DDX3Y: variants seen among roughly 807,000 people sequenced by gnomAD.
The protein encoded by DDX3Y is ATP-dependent RNA helicase DDX3Y.
A neutral mutation model predicts 15.1 loss-of-function variants in DDX3Y; 2 were observed. The ratio of observed to expected loss-of-function variants is 0.13; its 90% CI spans 0.05 to 0.42. The LOEUF (loss-of-function observed/expected upper bound fraction) is 0.42. DDX3Y is among the 10% of genes least tolerant of loss of function. DDX3Y has a pLI of 0.99. For missense variants in DDX3Y, 81 were observed against 149.9 expected (o/e 0.54, Z 2.40); for synonymous variants, 47 against 45.0 (o/e 1.04, Z -0.18).
At chrY:12,905,702 G>A in intron 1 of DDX3Y, 3 of 303,232 alleles carry the variant, frequency 9.9e-6, no homozygotes, top group Non-Finnish European at 1.3e-5. Context: ...GTTTTGTGAC[G>A]CAGAAGGACC....
chrY:12,912,960 C>T lies in DDX3Y; in HGVS notation c.438-3C>T. Reference sequence around the variant, plus strand: ...CATGTATGTAATAATTGTTTGATTTCAGAGAACTGTTTTCTGGAGGAAACA... The same window carrying T: ...CATGTATGTAATAATTGTTTGATTTTAGAGAACTGTTTTCTGGAGGAAACA... On this transcript the variant is annotated splice_region_variant and splice_polypyrimidine_tract_variant and intron_variant, in intron 5 of 16. Coordinates refer to ENST00000336079, the MANE Select transcript of DDX3Y (RefSeq NM_004660.5). 2.5e-6 allele frequency: 1 copy of T among 396,283 alleles called. No individual in the cohort carries two copies. Among genetic ancestry groups the T allele is most frequent in the African/African-American group, 6.2e-5 (1 of 16,121 alleles).
Position 12,912,758 on chromosome Y carries a change from G to C in DDX3Y, c.313G>C (p.Gly105Arg), listed in dbSNP as rs934389669. ...FDDRGRSDYD[G>R]IGNRERPGFG... ...TGATCGTGGACGGAGTGACTATGATGGTATTGGCAATCGTGAAAGACCTGG... is the reference window on the plus strand; with the variant it reads ...TGATCGTGGACGGAGTGACTATGATCGTATTGGCAATCGTGAAAGACCTGG... Residue 105 changes from glycine to arginine, a missense_variant, in exon 5 of 17, where the codon GGT becomes CGT. Gly to Arg is a moderately radical substitution (Grantham distance 125). This residue lies in a region of DDX3Y where 29 missense variants were observed against 27.1 expected (regional missense o/e 1.07). Transcript: ENST00000336079. 18 of 398,558 alleles carry C rather than the reference G, an allele frequency of 4.5e-5. No individual in the cohort carries two copies. The highest frequency in any genetic ancestry group is 6.4e-5 in the Non-Finnish European group (18 of 283,385).
chrY:12,914,199 C>T, intron 7 of DDX3Y, among the ~76,000 whole-genome samples: 1 of 33,894 alleles, frequency 3.0e-5, no homozygotes, highest in Non-Finnish European at 7.3e-5. Flanking sequence ...CCATTGGTTA[C>T]GTCTATAGCT....
intron 16 of DDX3Y, 62 bp from the exon 17 acceptor site, chrY:12,917,981 A>G: frequency 3.8e-6 from 1 of 261,434 alleles, no homozygotes; most frequent in Non-Finnish European, 6.1e-6. Context: ...ATGTTAAAGT[A>G]CTTGAGAAAA....
Position 12,912,720 on chromosome Y carries a change from T to TA in DDX3Y, c.282-6dup. On this transcript the variant is annotated splice_polypyrimidine_tract_variant and splice_region_variant and intron_variant, in intron 4 of 16. Coordinates refer to ENST00000336079, the MANE Select transcript of DDX3Y (RefSeq NM_004660.5). ...ATCGTGTACTTCTGATTGCTTGTGC[T>TA]ATTCAGATTTGATGATCGTGGACGG... 2.5e-6 allele frequency: 1 copy of TA among 397,776 alleles called. No homozygotes were observed. The highest frequency in any genetic ancestry group is 3.5e-6 in the Non-Finnish European group (1 of 282,829).
chrY:12,916,399 A>G lies in DDX3Y; in HGVS notation c.1448A>G (p.His483Arg). 2.5e-6 allele frequency: 1 copy of G among 396,267 alleles called. No homozygotes were observed. The highest frequency in any genetic ancestry group is 3.5e-6 in the Non-Finnish European group (1 of 283,087). Residue 483 changes from histidine (H) to arginine (R), a missense_variant, in exon 13 of 17, where the codon CAC becomes CGC. Transcript: ENST00000336079. ...CAGAGAGATCGAGAGGAGGCCCTTC[A>G]CCAGTTTCGCTCAGGAAAAAGCCCA... Reference protein sequence around the residue: ...RSQRDREEALHQFRSGKSPIL... With the variant: ...RSQRDREEALRQFRSGKSPIL...
rs752973262 is a variant in DDX3Y, at chrY:12,904,911, A to G, written c.-26A>G. On this transcript the variant is annotated 5_prime_UTR_variant, in exon 1 of 17. Transcript: ENST00000336079. ...TTCGGTCTCACACCTACAGTGGACTACCCGATTTTTCGCTTCTCTTCAGGG... is the reference window on the plus strand; with the variant it reads ...TTCGGTCTCACACCTACAGTGGACTGCCCGATTTTTCGCTTCTCTTCAGGG... 2.5e-6 allele frequency: 1 copy of G among 397,871 alleles called. No individual in the cohort carries two copies. Among genetic ancestry groups the G allele is most frequent in the Non-Finnish European group, 3.5e-6 (1 of 282,575 alleles).
intron 2 of DDX3Y, among the ~76,000 whole-genome samples, chrY:12,908,435 G>C (rs2053617905): frequency 2.9e-5 from 1 of 34,219 alleles, no homozygotes; most frequent in African/African-American, 1.1e-4. Flanking sequence ...GAACATTACA[G>C]ATATTTAAAT....
chrY:12,905,190 T>C (rs2053608442), intron 1 of DDX3Y, among the ~76,000 whole-genome samples: 1 of 34,015 alleles, frequency 2.9e-5, no homozygotes, highest in African/African-American at 1.1e-4. Context: ...GTAACGTTAA[T>C]GGTAGTGGTT....
chrY:12,905,808 C>A (rs1251381216), intron 1 of DDX3Y: 8 of 311,830 alleles, frequency 2.6e-5, no homozygotes, highest in South Asian at 6.7e-5. Flanking sequence ...CGGAAAGACA[C>A]CTGGAAGGTT....
chrY:12,915,358 C>T, intron 10 of DDX3Y, 131 bp downstream of exon 10: 6 of 223,366 alleles, frequency 2.7e-5, no homozygotes, highest in Non-Finnish European at 4.2e-5. Context: ...TTGCAGTTAA[C>T]GTTTTTGTAA....
chrY:12,911,494 C>T, intron 3 of DDX3Y, among the ~76,000 whole-genome samples: 1 of 33,353 alleles, frequency 3.0e-5, no homozygotes, highest in Non-Finnish European at 7.4e-5. Flanking sequence ...TAAAAAAAGA[C>T]TCATCTTAAA....
At chrY:12,904,843 C>G, upstream of DDX3Y, 2 of 287,898 alleles carry the variant, frequency 6.9e-6, no homozygotes, top group Non-Finnish European at 1.1e-5. Flanking sequence ...GTAGGCTAAC[C>G]AGTGCGCTTA....
chrY:12,907,860 G>T, intron 2 of DDX3Y, among the ~76,000 whole-genome samples: 1 of 33,530 alleles, frequency 3.0e-5, no homozygotes, highest in African/African-American at 1.2e-4. Flanking sequence ...AGCCTGGGAG[G>T]CTGGAAGCTT....
In DDX3Y at chrY:12,919,637, T is replaced by C. The variant is rs2148301525; in HGVS notation, c.*1515T>C. 1 of 33,617 alleles carries C rather than the reference T, an allele frequency of 3.0e-5. No homozygotes were observed. The highest frequency in any genetic ancestry group is 1.2e-4 in the African/African-American group (1 of 8,591). 8.4% of individuals were successfully genotyped at this position (33,617 alleles called of 400,897 possible). ...CTCCCATAACTTTTTACAAAGTATT[T>C]TGTTGCACATTCAGAGAATTTTATA... On this transcript the variant is annotated 3_prime_UTR_variant, in exon 17 of 17. Transcript: ENST00000336079.
chrY:12,917,217 G>A (rs2053652085), intron 15 of DDX3Y, among the ~76,000 whole-genome samples, 157 bp downstream of exon 15: 1 of 33,938 alleles, frequency 2.9e-5, no homozygotes, highest in African/African-American at 1.2e-4. Context: ...TTAAGTGTTA[G>A]GTCCTTACTC....
At chrY:12,915,570 A>G (rs2053644138) in intron 10 of DDX3Y, 60 bp from the exon 11 acceptor site, 1 of 322,423 alleles carries the variant, frequency 3.1e-6, no homozygotes, top group Non-Finnish European at 4.6e-6. Context: ...ACACAACTAT[A>G]TATAGTAATT....
chrY:12,910,337 A>T, intron 3 of DDX3Y, among the ~76,000 whole-genome samples: 1 of 33,875 alleles, frequency 3.0e-5, no homozygotes, highest in East Asian at 7.6e-4. Flanking sequence ...ATCTAGATTT[A>T]GGAAGTACAA....
intron 3 of DDX3Y, 129 bp from the exon 4 acceptor site, chrY:12,911,710 G>A: frequency 5.6e-6 from 1 of 179,001 alleles, no homozygotes; most frequent in Non-Finnish European, 9.6e-6. Context: ...TTCTGCTTAT[G>A]GGACTTGTAG....
Sources: gnomAD v4.1 joint callset for allele counts (sites outside exome capture counted in the v4.1 genomes callset) on GRCh38, gnomAD v4.1.1 for gene constraint, gnomAD v4.1.1 regional missense constraint, MANE v1.5 for transcripts, NCBI Gene and HGNC (gene_info 2026-07-23, HGNC 2026-07-21) for gene names.